Variants in FBXL2 observed in about 807,000 individuals in gnomAD.
FBXL2 encodes the protein F-box and leucine rich repeat protein 2.
Under a neutral mutation model 69.2 loss-of-function variants are expected in FBXL2, and 38 were observed. That is an observed-to-expected ratio of 0.55 (90% CI 0.42 to 0.72). The LOEUF (loss-of-function observed/expected upper bound fraction) is 0.72. Among genes scored for constraint, FBXL2 ranks in the 30% least tolerant of loss-of-function variants. FBXL2 has a pLI of 0.00. For missense variants in FBXL2, 354 were observed against 520.3 expected (o/e 0.68, Z 3.11); for synonymous variants, 192 against 201.3 (o/e 0.95, Z 0.39).
chr3:33,300,955 G>A (rs2036236382), intron 2 of FBXL2, among the ~76,000 whole-genome samples: 1 of 151,576 alleles, frequency 6.6e-6, no homozygotes, highest in African/African-American at 2.4e-5. Flanking sequence ...CGCCCGCCTT[G>A]GCCTCCCAAA....
intron 2 of FBXL2, among the ~76,000 whole-genome samples, chr3:33,355,774 G>C (rs2041158819): frequency 6.6e-6 from 1 of 152,170 alleles, no homozygotes; most frequent in African/African-American, 2.4e-5. Context: ...GCACTTTCTA[G>C]GAAAGAATGT....
chr3:33,308,081 A>G (rs898725044), intron 2 of FBXL2, among the ~76,000 whole-genome samples: 1 of 152,022 alleles, frequency 6.6e-6, no homozygotes, highest in East Asian at 1.9e-4. Flanking sequence ...TTACTGTGTT[A>G]TCCATGCTGG....
chr3:33,300,946 G>A (rs979843469), intron 2 of FBXL2, among the ~76,000 whole-genome samples: 4 of 151,382 alleles, frequency 2.6e-5, no homozygotes, highest in African/African-American at 7.3e-5. Context: ...CTTGTGATCC[G>A]CCCGCCTTGG....
At chr3:33,413,419 C>T in the FBXL2 span, among the ~76,000 whole-genome samples, 17 of 151,536 alleles carry the variant, frequency 1.1e-4, no homozygotes, top group African/African-American at 2.9e-4. Context: ...TGGTGGTGGG[C>T]GCCTGTAGTA....
intron 5 of FBXL2, among the ~76,000 whole-genome samples, chr3:33,367,381 C>G (rs1411797432): frequency 6.6e-5 from 10 of 152,174 alleles, no homozygotes; most frequent in Admixed American, 4.6e-4. Flanking sequence ...CGCACCCGGC[C>G]TCAATTTCTT....
intron 2 of FBXL2, among the ~76,000 whole-genome samples, chr3:33,332,678 G>A (rs2039262128): frequency 6.6e-6 from 1 of 152,202 alleles, no homozygotes; most frequent in Non-Finnish European, 1.5e-5. Flanking sequence ...ATGGCCTACT[G>A]TGCATGTAGG....
chr3:33,390,280 C>A, downstream of FBXL2: 1 of 1,574,276 alleles, frequency 6.4e-7, no homozygotes, highest in Non-Finnish European at 8.7e-7. Flanking sequence ...TCTTCACACA[C>A]TTTTAAGCGT....
chr3:33,382,778 T>A (rs1277810107), intron 13 of FBXL2: 2 of 152,174 alleles, frequency 1.3e-5, no homozygotes, highest in African/African-American at 4.8e-5. Context: ...AAAACAATTG[T>A]AACATCACAT....
chr3:33,391,293 C>T (rs1448650714), downstream of FBXL2: 1 of 152,208 alleles, frequency 6.6e-6, no homozygotes, highest in Non-Finnish European at 1.5e-5. Flanking sequence ...TGGATCTTAG[C>T]TCACCTGACT....
intron 12 of FBXL2, chr3:33,400,881 T>A: frequency 7.4e-7 from 1 of 1,347,606 alleles, no homozygotes; most frequent in South Asian, 1.3e-5. Flanking sequence ...TCTCACCTAC[T>A]CCATACATTT....
intron 2 of FBXL2, among the ~76,000 whole-genome samples, chr3:33,358,200 T>G (rs2041349617): frequency 6.6e-6 from 1 of 152,194 alleles, no homozygotes; most frequent in Non-Finnish European, 1.5e-5. Context: ...ACTTCAACCC[T>G]GTCCACCCTT....
chr3:33,357,084 A>C (rs1351804412), intron 2 of FBXL2, among the ~76,000 whole-genome samples: 1 of 152,254 alleles, frequency 6.6e-6, no homozygotes, highest in Non-Finnish European at 1.5e-5. Flanking sequence ...TAGTAATAGC[A>C]CAACACCTCA....
At chr3:33,316,091 C>A (rs1364663843) in intron 2 of FBXL2, among the ~76,000 whole-genome samples, 1 of 149,700 alleles carries the variant, frequency 6.7e-6, no homozygotes, top group Non-Finnish European at 1.5e-5. Flanking sequence ...CAGGGTCTTA[C>A]TCTATTGCCC....
chr3:33,346,876 T>A (rs2040481049), intron 2 of FBXL2, among the ~76,000 whole-genome samples: 1 of 152,290 alleles, frequency 6.6e-6, no homozygotes, highest in East Asian at 1.9e-4. Context: ...TTATGGGGTA[T>A]ATGAGATACT....
chr3:33,360,918 C>CTTTTTTTTTTTT (rs58912118), intron 4 of FBXL2, among the ~76,000 whole-genome samples: 2 of 57,118 alleles, frequency 3.5e-5, no homozygotes, highest in African/African-American at 5.6e-5. Flanking sequence ...ACATGAAGAA[C>CTTTTTTTTTTTT]TTTTTTTTTT....
intron 2 of FBXL2, among the ~76,000 whole-genome samples, chr3:33,327,961 A>AG (rs1173798379): frequency 6.6e-6 from 1 of 151,718 alleles, no homozygotes; most frequent in African/African-American, 2.4e-5. Flanking sequence ...AATCTACCAA[A>AG]AAAAAAAAAA....
intron 2 of FBXL2, among the ~76,000 whole-genome samples, chr3:33,316,958 G>A (rs2037756570): frequency 6.6e-6 from 1 of 151,856 alleles, no homozygotes; most frequent in African/African-American, 2.4e-5. Flanking sequence ...CTGAAGTACA[G>A]TGGCATGATC....
At chr3:33,390,479 TTTA>T, downstream of FBXL2, 1 of 1,123,294 alleles carries the variant, frequency 8.9e-7, no homozygotes, top group African/African-American at 1.6e-5. Context: ...AGAGGTTACC[TTTA>T]AATGATTCTA....
downstream of FBXL2, chr3:33,392,243 C>T (rs1356142780): frequency 4.3e-6 from 1 of 232,268 alleles, no homozygotes; most frequent in Non-Finnish European, 8.3e-6. Flanking sequence ...GGTTTGCTTT[C>T]CCCAATAGGA....
Sources: gnomAD v4.1 joint callset for allele counts (sites outside exome capture counted in the v4.1 genomes callset) on GRCh38, gnomAD v4.1.1 for gene constraint, MANE v1.5 for transcripts, NCBI Gene and HGNC (gene_info 2026-07-23, HGNC 2026-07-21) for gene names.